The following ASXL3 variants were observed in gnomAD, a reference collection of about 807,000 sequenced individuals.
ASXL3 encodes ASXL transcriptional regulator 3, also known as putative Polycomb group protein ASXL3.
In ASXL3, 34 loss-of-function variants were observed where a neutral mutation model predicts 170.6. The observed-to-expected ratio is 0.20, with a 90% confidence interval of 0.15 to 0.27. The LOEUF (loss-of-function observed/expected upper bound fraction) is 0.27, where lower values mean the gene tolerates loss of function less well. Among genes scored for constraint, ASXL3 ranks in the 10% least tolerant of loss-of-function variants. The pLI is 1.00. For missense variants in ASXL3, 2,592 were observed against 2,695.3 expected (o/e 0.96, Z 0.85); for synonymous variants, 1,002 against 989.1 (o/e 1.01, Z -0.24).
chr18:33,651,291 G>GT (rs2065993991), intron 4 of ASXL3, among the ~76,000 whole-genome samples: 1 of 152,136 alleles, frequency 6.6e-6, no homozygotes, highest in Admixed American at 6.6e-5. Flanking sequence ...CTTACTCTGT[G>GT]TCTAATATAT....
At chr18:33,636,113 A>G (rs1490811909) in intron 2 of ASXL3, among the ~76,000 whole-genome samples, 1 of 152,172 alleles carries the variant, frequency 6.6e-6, no homozygotes, top group African/African-American at 2.4e-5. Flanking sequence ...GCTTCCCCAT[A>G]CGGATGGTAG....
chr18:33,639,482 T>A (rs1199891778), intron 2 of ASXL3, among the ~76,000 whole-genome samples: 1 of 152,180 alleles, frequency 6.6e-6, no homozygotes, highest in African/African-American at 2.4e-5. Context: ...TGGCATGTTC[T>A]TTACTAGATG....
chr18:33,654,718 T>C (rs921378953), intron 4 of ASXL3, among the ~76,000 whole-genome samples: 2 of 152,032 alleles, frequency 1.3e-5, no homozygotes, highest in Non-Finnish European at 2.9e-5. Flanking sequence ...TGATGTCATT[T>C]TTCCCACACA....
intron 5 of ASXL3, among the ~76,000 whole-genome samples, chr18:33,663,717 C>A (rs184933655): frequency 1.3e-5 from 2 of 152,032 alleles, no homozygotes; most frequent in African/African-American, 4.8e-5. Context: ...GATTAATAAT[C>A]AAATTCAGAT....
chr18:33,749,595 T>C lies in ASXL3; in HGVS notation c.*3000T>C, dbSNP rs2067852799. Reference sequence around the variant, plus strand: ...TTAGGTTAGTTAATGGGCATGTTAATAAGAGCATTGTGATGCAAATTCATT... The same window carrying C: ...TTAGGTTAGTTAATGGGCATGTTAACAAGAGCATTGTGATGCAAATTCATT... On this transcript the variant is annotated 3_prime_UTR_variant, in exon 12 of 12. Transcript: ENST00000269197. 1 of 152,176 alleles carries C rather than the reference T, an allele frequency of 6.6e-6. No homozygotes were observed. Among genetic ancestry groups the C allele is most frequent in the South Asian group, 2.1e-4 (1 of 4,834 alleles). 9.4% of individuals were successfully genotyped at this position (152,176 alleles called of 1,614,324 possible). A position where few individuals can be genotyped will look rare whatever the true frequency, so the allele number is the denominator to read the frequency against.
At chr18:33,616,471 CATT>C (rs2065424211) in intron 2 of ASXL3, among the ~76,000 whole-genome samples, 2 of 151,768 alleles carry the variant, frequency 1.3e-5, no homozygotes, top group Non-Finnish European at 2.9e-5. Context: ...GTAGTTATCA[CATT>C]GTTGATGTAA....
chr18:33,715,619 A>G (rs989032770), intron 8 of ASXL3, among the ~76,000 whole-genome samples: 4 of 152,162 alleles, frequency 2.6e-5, no homozygotes, highest in African/African-American at 9.7e-5. Context: ...TTGTGTGACT[A>G]ATATTTTTGT....
At chr18:33,666,287 C>A (rs1466065409) in intron 5 of ASXL3, among the ~76,000 whole-genome samples, 1 of 152,110 alleles carries the variant, frequency 6.6e-6, no homozygotes, top group Non-Finnish European at 1.5e-5. Flanking sequence ...TTTATATCCC[C>A]CCCTGAAATG....
intron 4 of ASXL3, among the ~76,000 whole-genome samples, chr18:33,652,525 G>C (rs1244920798): frequency 6.8e-6 from 1 of 146,400 alleles, no homozygotes; most frequent in African/African-American, 2.5e-5. Context: ...GGTTCTGCTT[G>C]CTATTAACCC....
chr18:33,622,873 G>A (rs1483086037), intron 2 of ASXL3, among the ~76,000 whole-genome samples: 1 of 152,172 alleles, frequency 6.6e-6, no homozygotes, highest in African/African-American at 2.4e-5. Context: ...AAGATAAAAA[G>A]TGGAGGATCT....
chr18:33,652,681 A>C (rs773141463), intron 4 of ASXL3, among the ~76,000 whole-genome samples: 2 of 151,468 alleles, frequency 1.3e-5, no homozygotes, highest in Non-Finnish European at 2.9e-5. Flanking sequence ...CATTTGAAGA[A>C]TTTTATGAAG....
At chr18:33,651,116 G>A (rs1295299300) in intron 4 of ASXL3, among the ~76,000 whole-genome samples, 3 of 152,008 alleles carry the variant, frequency 2.0e-5, no homozygotes, top group Non-Finnish European at 2.9e-5. Flanking sequence ...TCATTGGTAC[G>A]GTTTGCCTTT....
rs1388787333 is a variant in ASXL3, at chr18:33,690,911, CACCATGGTTGG to C, written c.879+7346_879+7356del. On this transcript the variant is annotated intron_variant, in intron 8 of 11. Coordinates refer to ENST00000269197, the MANE Select transcript of ASXL3 (RefSeq NM_030632.3). The stretch of plus-strand genomic sequence containing the variant: ...TACTCCTCAGTGCAGGTGCCCTCCT[CACCATGGTTGG>C]ACTCTAAAACTCCTCTCCAGGCCAC... Among the ~76,000 whole-genome samples the C allele has an allele frequency of 3.9e-5, 6 of 152,272 alleles. No homozygotes were observed. The South Asian group carries it at 1.2e-3, about 32-fold the overall frequency.
At chr18:33,729,008 A>T (rs1224112142) in intron 8 of ASXL3, among the ~76,000 whole-genome samples, 1 of 152,156 alleles carries the variant, frequency 6.6e-6, no homozygotes, top group Non-Finnish European at 1.5e-5. Context: ...GAGGCCACTA[A>T]CCTGGGGCCT....
intron 2 of ASXL3, among the ~76,000 whole-genome samples, chr18:33,640,686 C>T (rs2065833075): frequency 6.6e-6 from 1 of 152,010 alleles, no homozygotes; most frequent in African/African-American, 2.4e-5. Context: ...CTAACTTACT[C>T]TTAAAATATA....
At chr18:33,608,199 G>C (rs1393397761) in intron 2 of ASXL3, among the ~76,000 whole-genome samples, 1 of 151,854 alleles carries the variant, frequency 6.6e-6, no homozygotes, top group Non-Finnish European at 1.5e-5. Context: ...TATTCACAAA[G>C]TTCTGCATCA....
chr18:33,673,894 A>G (rs1281585458), intron 7 of ASXL3, among the ~76,000 whole-genome samples: 1 of 152,204 alleles, frequency 6.6e-6, no homozygotes, highest in Admixed American at 6.5e-5. Context: ...AGCGCCCCCA[A>G]TCTTTCAAAC....
At chr18:33,736,040 A>G (rs1202567816) in intron 10 of ASXL3, among the ~76,000 whole-genome samples, 1 of 152,174 alleles carries the variant, frequency 6.6e-6, no homozygotes, top group African/African-American at 2.4e-5. Flanking sequence ...CATAAGATGG[A>G]TACCATTATT....
chr18:33,742,901 A>C lies in ASXL3; in HGVS notation c.3053A>C (p.Lys1018Thr), dbSNP rs756412954. 1 of 1,588,432 alleles carries C rather than the reference A, an allele frequency of 6.3e-7. No individual in the cohort carries two copies. The highest frequency in any genetic ancestry group is 1.1e-5 in the South Asian group (1 of 87,208). ...RVPPLKIQLS[K>T]IGPPFIIKSQ... ...TCCTCCTTTTAGATTCAGCTTTCCAAAATTGGGCCACCTTTTATAATCAAG... is the reference window on the plus strand; with the variant it reads ...TCCTCCTTTTAGATTCAGCTTTCCACAATTGGGCCACCTTTTATAATCAAG... Residue 1018 changes from lysine (K) to threonine (T), a missense_variant, in exon 12 of 12, where the codon AAA becomes ACA. By Grantham distance (78) the Lys-to-Thr change is moderately conservative. Around this residue, in one of 4 missense-constraint regions of ASXL3, gnomAD observed 2,246 missense variants for 2,219.6 expected, o/e 1.01. Transcript: ENST00000269197.
Sources: gnomAD v4.1 joint callset for allele counts (sites outside exome capture counted in the v4.1 genomes callset) on GRCh38, gnomAD v4.1.1 for gene constraint, gnomAD v4.1.1 regional missense constraint, MANE v1.5 for transcripts, NCBI Gene and HGNC (gene_info 2026-07-23, HGNC 2026-07-21) for gene names.